The following KLHL3 variants were observed in gnomAD, a reference collection of about 807,000 sequenced individuals.
The protein encoded by KLHL3 is kelch-like protein 3.
In KLHL3, 19 loss-of-function variants were observed where a neutral mutation model predicts 70.5. The ratio of observed to expected loss-of-function variants is 0.27; its 90% confidence interval spans 0.19 to 0.40. KLHL3 has a LOEUF of 0.40. Ranked by LOEUF, KLHL3 falls within the 10% of genes least tolerant of loss-of-function variation. KLHL3 has a pLI of 1.00. For missense variants in KLHL3, 512 were observed against 771.1 expected (o/e 0.66, Z 3.98); for synonymous variants, 258 against 290.3 (o/e 0.89, Z 1.13).
chr5:137,669,464 T>G lies in KLHL3; in HGVS notation c.637-7433A>C, dbSNP rs1475441177. Among the ~76,000 whole-genome samples, 553 of 151,154 alleles carry G rather than the reference T, an allele frequency of 3.7e-3. 3 individuals are homozygous for G. Among genetic ancestry groups the G allele is most frequent in the Non-Finnish European group, 6.7e-3 (447 of 67,134 alleles). On this transcript the variant is annotated intron_variant, in intron 6 of 14. Coordinates refer to ENST00000309755, the MANE Select transcript of KLHL3 (RefSeq NM_017415.3). ...AGCAGCACACTGCCAGATATCTGACTTCAGATAACCAAAAATGATGAAAAA... is the reference window on the plus strand; with the variant it reads ...AGCAGCACACTGCCAGATATCTGACGTCAGATAACCAAAAATGATGAAAAA...
rs1405586346 is a variant in KLHL3, at chr5:137,617,670, C to T, written c.*4428G>A. On this transcript the variant is annotated 3_prime_UTR_variant, in exon 15 of 15. Transcript: ENST00000309755. Reference sequence around the variant, plus strand: ...GTCCCTAACAGCCACGCAGAGAACACCAGATCGAGGATCTTACCTATGCAA... The same window carrying T: ...GTCCCTAACAGCCACGCAGAGAACATCAGATCGAGGATCTTACCTATGCAA... 1 of 152,216 alleles carries T rather than the reference C, an allele frequency of 6.6e-6. No individual in the cohort carries two copies. The highest frequency in any genetic ancestry group is 1.5e-5 in the Non-Finnish European group (1 of 68,050). 9.4% of individuals were successfully genotyped at this position (152,216 alleles called of 1,614,324 possible).
chr5:137,665,192 T>G (rs1264650436), intron 6 of KLHL3, among the ~76,000 whole-genome samples: 1 of 152,196 alleles, frequency 6.6e-6, no homozygotes, highest in Non-Finnish European at 1.5e-5. Context: ...AGGGAGACAG[T>G]TCTAGATTAG....
chr5:137,640,002 G>A, intron 8 of KLHL3, 25 bp from the exon 9 acceptor site: 1 of 1,596,244 alleles, frequency 6.3e-7, no homozygotes, highest in South Asian at 1.1e-5. Context: ...GTGGACGTTA[G>A]CGGGGTCACC....
At chr5:137,694,254 T>G (rs1580767842) in intron 4 of KLHL3, among the ~76,000 whole-genome samples, 1 of 152,150 alleles carries the variant, frequency 6.6e-6, no homozygotes, top group Non-Finnish European at 1.5e-5. Context: ...TTTCCCTTCC[T>G]CCATCCTCTC....
intron 7 of KLHL3, among the ~76,000 whole-genome samples, chr5:137,659,333 C>T (rs554160711): frequency 3.7e-4 from 56 of 152,338 alleles, no homozygotes; most frequent in Non-Finnish European, 6.8e-4. Context: ...CAAGGCATGA[C>T]TGAGCCTCTC....
chr5:137,726,932 T>C (rs1753094438), intron 1 of KLHL3, among the ~76,000 whole-genome samples: 1 of 152,134 alleles, frequency 6.6e-6, no homozygotes, highest in South Asian at 2.1e-4. Context: ...TTATAAAAGT[T>C]ATAAATAAAA....
At chr5:137,685,196 A>G (rs1752131895) in intron 5 of KLHL3, among the ~76,000 whole-genome samples, 1 of 152,258 alleles carries the variant, frequency 6.6e-6, no homozygotes, top group African/African-American at 2.4e-5. Context: ...TGCTACTAAG[A>G]TTGTACCCTA....
rs1185259139 is a variant in KLHL3, at chr5:137,639,364, C to A, written c.1022-214G>T. On this transcript the variant is annotated intron_variant, in intron 9 of 14. Transcript: ENST00000309755. The surrounding 1 kb of genome is among the most constrained non-coding windows in gnomAD (Gnocchi z 5.0). The stretch of plus-strand genomic sequence containing the variant: ...GTAAATATTTGAATCAGCTTTAACT[C>A]CCCAAGCTCATAAGAACTGACCCCA... 6.6e-6 allele frequency among the ~76,000 whole-genome samples: 1 copy of A among 152,144 alleles called. No individual in the cohort carries two copies. Among genetic ancestry groups the A allele is most frequent in the Non-Finnish European group, 1.5e-5 (1 of 68,022 alleles).
intron 1 of KLHL3, among the ~76,000 whole-genome samples, chr5:137,725,311 G>C (rs897008509): frequency 2.6e-5 from 4 of 152,122 alleles, no homozygotes; most frequent in African/African-American, 9.7e-5. Context: ...TTTCCAGGCA[G>C]ACTCAGCCAT....
rs563246456 is a variant in KLHL3, at chr5:137,660,540, G to T, written c.753+1375C>A. Among the ~76,000 whole-genome samples, 3 of 152,284 alleles carry T rather than the reference G, an allele frequency of 2.0e-5. No individual in the cohort carries two copies. In the East Asian group the frequency reaches 5.8e-4, roughly 29 times the overall value. On this transcript the variant is annotated intron_variant, in intron 7 of 14. Transcript: ENST00000309755. ...CCAGGTGGCAGTGGTATCACCCAAA[G>T]TAGCATGCATGCCCCATTTAAGAGC...
At chr5:137,698,449 C>T (rs1349089841) in intron 3 of KLHL3, 41 bp from the exon 4 acceptor site, 2 of 1,611,470 alleles carry the variant, frequency 1.2e-6, no homozygotes, top group South Asian at 2.2e-5. Flanking sequence ...AAATGTGGTA[C>T]CTGGGATATG....
chr5:137,651,980 A>T (rs962391815), intron 8 of KLHL3, among the ~76,000 whole-genome samples: 3 of 152,184 alleles, frequency 2.0e-5, no homozygotes, highest in Non-Finnish European at 4.4e-5. Flanking sequence ...AGTGTGGAAC[A>T]ACTGGACATT....
intron 5 of KLHL3, among the ~76,000 whole-genome samples, chr5:137,681,032 T>C (rs1752013165): frequency 6.6e-6 from 1 of 152,018 alleles, no homozygotes; most frequent in Non-Finnish European, 1.5e-5. Flanking sequence ...TGTTAAGACA[T>C]CCTTTGGGAC....
intron 4 of KLHL3, among the ~76,000 whole-genome samples, chr5:137,697,791 T>C (rs1478046009): frequency 1.3e-5 from 2 of 152,208 alleles, no homozygotes; most frequent in Non-Finnish European, 2.9e-5. Context: ...AAAAAAAAGT[T>C]ATTAAATAAA....
In KLHL3 at chr5:137,735,879, C is replaced by T. The variant is rs1264781803; in HGVS notation, c.-233G>A. The T allele has an allele frequency of 5.1e-6, 3 of 588,028 alleles. No individual in the cohort carries two copies. The highest frequency in any genetic ancestry group is 9.2e-6 in the Non-Finnish European group (3 of 325,442). 36.4% of individuals were successfully genotyped at this position (588,028 alleles called of 1,614,324 possible). On this transcript the variant is annotated 5_prime_UTR_variant, in exon 1 of 15. Transcript: ENST00000309755. ...AAAATGTCTTACCCAGAGCTCCCTGCAGCCCTTTCAGCTGCTAAAAGCAGC... is the reference window on the plus strand; with the variant it reads ...AAAATGTCTTACCCAGAGCTCCCTGTAGCCCTTTCAGCTGCTAAAAGCAGC...
At chr5:137,699,754 A>G (rs764751591) in intron 3 of KLHL3, among the ~76,000 whole-genome samples, 19 of 152,250 alleles carry the variant, frequency 1.2e-4, no homozygotes, top group Non-Finnish European at 2.2e-4. Flanking sequence ...CCTAACTGCA[A>G]GAAACAAGAG....
chr5:137,662,280 CACACA>C (rs1033059652), intron 6 of KLHL3, among the ~76,000 whole-genome samples: 1 of 146,824 alleles, frequency 6.8e-6, no homozygotes, highest in African/African-American at 2.7e-5. Flanking sequence ...CACACACACA[CACACA>C]AGGACAAACC....
chr5:137,656,929 A>G (rs1279987612), intron 8 of KLHL3, among the ~76,000 whole-genome samples: 1 of 152,258 alleles, frequency 6.6e-6, no homozygotes, highest in Non-Finnish European at 1.5e-5. Flanking sequence ...CTCCTTTATA[A>G]AACTAGGATA....
In KLHL3 at chr5:137,658,029, T is replaced by C. The variant is rs956195928; in HGVS notation, c.903+102A>G. ...TCCTAGGTTGTAAATGCAACCAAGA[T>C]GCAGGGCAGCCATGGGTGAGGAAAG... On this transcript the variant is annotated intron_variant, in intron 8 of 14. Transcript: ENST00000309755. 7.4e-5 allele frequency: 87 copies of C among 1,179,122 alleles called. No individual in the cohort carries two copies. The Middle Eastern group carries it at 1.2e-3, about 16-fold the overall frequency. The allele number at this position is 1,179,122 out of a possible 1,614,324, so 73.0% of individuals were successfully genotyped here. A position where few individuals can be genotyped will look rare whatever the true frequency, so the allele number is the denominator to read the frequency against.
Sources: gnomAD v4.1 joint callset for allele counts (sites outside exome capture counted in the v4.1 genomes callset) on GRCh38, gnomAD v4.1.1 for gene constraint, Gnocchi (gnomAD v3.1) non-coding constraint, MANE v1.5 for transcripts, NCBI Gene and HGNC (gene_info 2026-07-23, HGNC 2026-07-21) for gene names.